The following CNTN5 variants were observed in gnomAD, a reference collection of about 807,000 sequenced individuals.
CNTN5 encodes the protein contactin 5, also known as contactin-5.
Under a neutral mutation model 129.1 loss-of-function variants are expected in CNTN5, and 77 were observed. The observed-to-expected ratio is 0.60, with a 90% confidence interval of 0.50 to 0.72. The LOEUF (loss-of-function observed/expected upper bound fraction) is 0.72. Among genes scored for constraint, CNTN5 ranks in the 30% least tolerant of loss-of-function variants. CNTN5 has a pLI of 0.00. For missense variants in CNTN5, 1,478 were observed against 1,328.8 expected, an observed-to-expected ratio of 1.11 and a Z score of -1.75; for synonymous variants, 509 against 465.6, an observed-to-expected ratio of 1.09 and a Z score of -1.20.
chr11:100,190,013 G>A (rs77384053), intron 13 of CNTN5, among the ~76,000 whole-genome samples: 1,924 of 151,940 alleles, frequency 0.013, 52 homozygotes, highest in African/African-American at 0.044. Flanking sequence ...CAATTGTTAC[G>A]AAGTTCAATG....
intron 3 of CNTN5, among the ~76,000 whole-genome samples, chr11:99,789,081 A>AC (rs1945643204): frequency 6.6e-6 from 1 of 151,940 alleles, no homozygotes; most frequent in African/African-American, 2.4e-5. Context: ...AAACAAACAA[A>AC]AAAAAATTAT....
intron 8 of CNTN5, among the ~76,000 whole-genome samples, chr11:99,992,127 A>T (rs934258260): frequency 4.6e-5 from 7 of 152,216 alleles, no homozygotes; most frequent in African/African-American, 1.7e-4. Flanking sequence ...AGACATACGA[A>T]AATGATCAGC....
At chr11:99,541,975 AAAAAG>A (rs1297966105) in intron 2 of CNTN5, among the ~76,000 whole-genome samples, 1 of 121,296 alleles carries the variant, frequency 8.2e-6, no homozygotes. Flanking sequence ...AAAAAAAAAA[AAAAAG>A]AAAAGAAAAG....
At chr11:100,082,117 TTG>T (rs200257989) in intron 13 of CNTN5, among the ~76,000 whole-genome samples, 2 of 151,924 alleles carry the variant, frequency 1.3e-5, no homozygotes, top group Non-Finnish European at 2.9e-5. Flanking sequence ...TACAAAAAAA[TTG>T]TGTGTGTATG....
At chr11:99,988,219 C>T (rs1309128527) in intron 8 of CNTN5, among the ~76,000 whole-genome samples, 1 of 152,196 alleles carries the variant, frequency 6.6e-6, no homozygotes, top group African/African-American at 2.4e-5. Flanking sequence ...CTGGCATTCT[C>T]CACAAGAAGA....
chr11:100,280,549 T>C (rs1950614703), intron 18 of CNTN5, among the ~76,000 whole-genome samples: 1 of 152,142 alleles, frequency 6.6e-6, no homozygotes, highest in African/African-American at 2.4e-5. Context: ...TTTCTATCCC[T>C]GTGTTTTCAA....
chr11:100,252,422 A>G (rs993196980), intron 16 of CNTN5, among the ~76,000 whole-genome samples: 1 of 151,814 alleles, frequency 6.6e-6, no homozygotes, highest in Non-Finnish European at 1.5e-5. Flanking sequence ...GTTTGGTATA[A>G]TCCTATTTGT....
At chr11:99,615,521 T>G (rs1448948306) in intron 3 of CNTN5, among the ~76,000 whole-genome samples, 1 of 152,204 alleles carries the variant, frequency 6.6e-6, no homozygotes, top group African/African-American at 2.4e-5. Context: ...TGATGACAGC[T>G]TAGCTACTGA....
chr11:100,009,297 C>T (rs1940381190), intron 9 of CNTN5, among the ~76,000 whole-genome samples: 1 of 152,036 alleles, frequency 6.6e-6, no homozygotes, highest in South Asian at 2.1e-4. Flanking sequence ...AATAGAATTG[C>T]ACAAGGTTGA....
intron 16 of CNTN5, 34 bp from the exon 17 acceptor site, chr11:100,255,726 G>A: frequency 1.3e-6 from 2 of 1,590,424 alleles, no homozygotes; most frequent in Non-Finnish European, 1.7e-6. Flanking sequence ...ATAATAATTT[G>A]TGCTTAACTT....
In CNTN5 at chr11:100,137,534, T is replaced by C. The variant is rs574857004; in HGVS notation, c.1581-53592T>C. On this transcript the variant is annotated intron_variant, in intron 13 of 24. Coordinates refer to ENST00000524871, the MANE Select transcript of CNTN5 (RefSeq NM_014361.4). Reference sequence around the variant, plus strand: ...AAGGATGACATTCATTTTTATCTGATTAAATAGCTATCTCAAATTATCCAT... The same window carrying C: ...AAGGATGACATTCATTTTTATCTGACTAAATAGCTATCTCAAATTATCCAT... Among the ~76,000 whole-genome samples the C allele has an allele frequency of 3.3e-5, 5 of 152,262 alleles. No homozygotes were observed. In the East Asian group the frequency reaches 9.6e-4, roughly 29 times the overall value.
intron 2 of CNTN5, among the ~76,000 whole-genome samples, chr11:99,337,056 G>A (rs146471358): frequency 6.6e-6 from 1 of 152,160 alleles, no homozygotes; most frequent in Admixed American, 6.6e-5. Flanking sequence ...GCTAGAAGGG[G>A]AATCAGTGTA....
intron 1 of CNTN5, among the ~76,000 whole-genome samples, chr11:99,261,575 G>A (rs917780344): frequency 2.0e-5 from 3 of 151,996 alleles, no homozygotes; most frequent in African/African-American, 7.2e-5. Context: ...ATGCCAAAAT[G>A]CTGAATCCAT....
intron 6 of CNTN5, among the ~76,000 whole-genome samples, chr11:99,866,312 A>G (rs1309468186): frequency 5.3e-5 from 8 of 152,222 alleles, no homozygotes; most frequent in Admixed American, 3.9e-4. Context: ...GAATAGTGGT[A>G]ACTTCTCCTG....
intron 21 of CNTN5, among the ~76,000 whole-genome samples, chr11:100,313,691 A>C: frequency 6.6e-6 from 1 of 152,042 alleles, no homozygotes; most frequent in East Asian, 1.9e-4. Flanking sequence ...TCTGAGGACA[A>C]AATTTCAAGA....
intron 2 of CNTN5, among the ~76,000 whole-genome samples, chr11:99,409,430 T>G (rs1480471359): frequency 4.6e-5 from 7 of 152,160 alleles, no homozygotes; most frequent in Non-Finnish European, 1.0e-4. Flanking sequence ...CCCGTGCTAC[T>G]GCACTCCAGC....
intron 20 of CNTN5, 149 bp from the exon 21 acceptor site, chr11:100,308,210 C>A (rs1951398436): frequency 6.6e-6 from 4 of 607,248 alleles, no homozygotes; most frequent in Admixed American, 3.4e-5. Flanking sequence ...CCAAAAGGAT[C>A]ACCTTTATAT....
At chr11:99,954,708 T>C (rs1479586452) in intron 7 of CNTN5, among the ~76,000 whole-genome samples, 3 of 152,192 alleles carry the variant, frequency 2.0e-5, no homozygotes, top group Admixed American at 6.5e-5. Flanking sequence ...TAAACAGGAA[T>C]ATTAAAAGAT....
chr11:100,259,281 C>A (rs927311973), intron 17 of CNTN5, among the ~76,000 whole-genome samples: 2 of 152,098 alleles, frequency 1.3e-5, no homozygotes, highest in Non-Finnish European at 2.9e-5. Context: ...TACAGGAGCA[C>A]CCATATTCAT....
Sources: allele counts gnomAD v4.1 joint callset (sites outside exome capture counted in the v4.1 genomes callset), GRCh38; gene constraint gnomAD v4.1.1; transcripts MANE v1.5; gene names NCBI Gene and HGNC (gene_info 2026-07-23, HGNC 2026-07-21).